Variants in ZC3H4 observed in about 807,000 individuals in gnomAD.
The protein encoded by ZC3H4 is zinc finger CCCH-type containing 4, also known as zinc finger CCCH domain-containing protein 4.
In ZC3H4, 13 loss-of-function variants were observed where a neutral mutation model predicts 108.3. The ratio of observed to expected loss-of-function variants is 0.12; its 90% CI spans 0.08 to 0.19. ZC3H4 has a LOEUF of 0.19. Ranked by LOEUF, ZC3H4 falls within the 10% of genes least tolerant of loss-of-function variation. The pLI, the probability that ZC3H4 is intolerant of heterozygous loss-of-function variation, is 1.00. For missense variants in ZC3H4, 1,734 were observed against 1,838.8 expected, an observed-to-expected ratio of 0.94 and a Z score of 1.04; for synonymous variants, 917 against 749.6, an observed-to-expected ratio of 1.22 and a Z score of -3.65.
Position 47,105,900 on chromosome 19 carries a change from T to G in ZC3H4, c.161+6524A>C, listed in dbSNP as rs115744112. The stretch of plus-strand genomic sequence containing the variant: ...TGGCTATACCCCACAGTCTGAAAAA[T>G]AGCACACCAGATCCACCACAGTATA... On this transcript the variant is annotated intron_variant, in intron 2 of 14. Coordinates refer to ENST00000253048, the MANE Select transcript of ZC3H4 (RefSeq NM_015168.2). Among the ~76,000 whole-genome samples the G allele has an allele frequency of 5.4e-3, 817 of 152,182 alleles. 13 individuals carry two copies. Among genetic ancestry groups the G allele is most frequent in the African/African-American group, 0.019 (795 of 41,508 alleles).
chr19:47,086,656 C>T, intron 5 of ZC3H4, 118 bp from the exon 6 acceptor site: 1 of 1,419,970 alleles, frequency 7.0e-7, no homozygotes, highest in South Asian at 1.6e-5. Flanking sequence ...CCTCCTTCTC[C>T]TCCTCCTCCT....
intron 13 of ZC3H4, 42 bp from the exon 14 acceptor site, chr19:47,069,385 T>C (rs768977475): frequency 1.9e-6 from 3 of 1,591,280 alleles, no homozygotes; most frequent in Non-Finnish European, 1.7e-6. Flanking sequence ...GGGAAGGGCC[T>C]CCAGGTGCCA....
chr19:47,095,119 T>C (rs1220961831), intron 2 of ZC3H4, among the ~76,000 whole-genome samples: 1 of 152,122 alleles, frequency 6.6e-6, no homozygotes, highest in African/African-American at 2.4e-5. Flanking sequence ...AGGCCCAGGA[T>C]TGCCTGCTGG....
Position 47,067,212 on chromosome 19 carries a change from C to G in ZC3H4, c.3056G>C (p.Gly1019Ala), listed in dbSNP as rs1448204124. 1.2e-6 allele frequency: 2 copies of G among 1,609,070 alleles called. No homozygotes were observed. Among genetic ancestry groups the G allele is most frequent in the Middle Eastern group, 1.7e-4 (1 of 6,026 alleles). Residue 1019 changes from glycine to alanine, a missense_variant, in exon 15 of 15, where the codon GGG becomes GCG. By Grantham distance (60) the Gly-to-Ala change is moderately conservative. Transcript: ENST00000253048. This position sits in a 1 kb window ranked among gnomAD's most constrained non-coding sequence, Gnocchi z 6.4. ...DPRLHRAATA[G>A]PPNARQRPGA... ...CGGGCGCTGCCGGGCGTTGGGGGGC[C>G]CTGCCGTGGCAGCGCGGTGCAGCCG...
chr19:47,076,325 G>GCACA (rs10531908), intron 11 of ZC3H4, among the ~76,000 whole-genome samples: 51 of 151,146 alleles, frequency 3.4e-4, no homozygotes, highest in East Asian at 1.6e-3. Flanking sequence ...GCGCGCGCGC[G>GCACA]CACACACACA....
intron 2 of ZC3H4, among the ~76,000 whole-genome samples, chr19:47,098,860 A>T (rs1289515487): frequency 2.6e-5 from 4 of 152,224 alleles, no homozygotes; most frequent in African/African-American, 9.6e-5. Context: ...CAGCCTACAG[A>T]TTCGGGCCTC....
intron 14 of ZC3H4, among the ~76,000 whole-genome samples, chr19:47,068,798 G>C (rs1246159080): frequency 2.0e-5 from 3 of 152,188 alleles, no homozygotes; most frequent in East Asian, 3.9e-4. Flanking sequence ...AGCCTCCTCT[G>C]GCAGGGCACA....
intron 9 of ZC3H4, among the ~76,000 whole-genome samples, chr19:47,083,283 C>G (rs1254785293): frequency 4.2e-5 from 6 of 141,774 alleles, no homozygotes; most frequent in Non-Finnish European, 6.1e-5. Context: ...GCCTGGGCGA[C>G]AGAGAGAGAC....
intron 1 of ZC3H4, 60 bp from the exon 2 acceptor site, chr19:47,112,649 G>T (rs1323266033): frequency 8.7e-7 from 1 of 1,147,802 alleles, no homozygotes; most frequent in Admixed American, 4.2e-5. Context: ...GGCGGGAGGG[G>T]CACACTTAAG....
chr19:47,097,028 C>T (rs2057832733), intron 2 of ZC3H4: 16 of 980,440 alleles, frequency 1.6e-5, no homozygotes, highest in Non-Finnish European at 1.9e-5. Context: ...CTACATCTAA[C>T]ACCTGCGGGC....
chr19:47,110,786 TA>T (rs1451436772), intron 2 of ZC3H4: 1 of 554,492 alleles, frequency 1.8e-6, no homozygotes, highest in Non-Finnish European at 2.3e-6. Context: ...AGACCTTTGC[TA>T]ATCTGTTTAT....
chr19:47,088,681 G>C (rs1189124041), intron 5 of ZC3H4, among the ~76,000 whole-genome samples: 1 of 152,004 alleles, frequency 6.6e-6, no homozygotes, highest in African/African-American at 2.4e-5. Flanking sequence ...AAGAGTGATG[G>C]GATCTCGCTG....
chr19:47,100,720 C>T (rs192259556), intron 2 of ZC3H4, among the ~76,000 whole-genome samples: 4 of 152,074 alleles, frequency 2.6e-5, no homozygotes, highest in East Asian at 3.9e-4. Flanking sequence ...TCTTTTGAGA[C>T]GGGGATCTTA....
At chr19:47,094,249 T>TA (rs2057785482) in intron 3 of ZC3H4, 140 bp downstream of exon 3, 3 of 1,155,454 alleles carry the variant, frequency 2.6e-6, no homozygotes, top group South Asian at 1.4e-5. Flanking sequence ...CCAACTCTTT[T>TA]AAAAAAGGTC....
At chr19:47,100,566 A>G (rs1399942795) in intron 2 of ZC3H4, among the ~76,000 whole-genome samples, 1 of 151,790 alleles carries the variant, frequency 6.6e-6, no homozygotes, top group African/African-American at 2.4e-5. Flanking sequence ...GCTGGCATCT[A>G]GATACGAAGA....
chr19:47,067,595 C>A lies in ZC3H4; in HGVS notation c.2673G>T (p.Arg891=). 6.2e-7 allele frequency: 1 copy of A among 1,605,580 alleles called. No individual in the cohort carries two copies. Among genetic ancestry groups the A allele is most frequent in the South Asian group, 1.1e-5 (1 of 90,318 alleles). ...TGGAGGTGGGCAGGGCGCGAGCCAG[C>A]CGAGGATCGGAGGGTCCCGAATCAC... ...GPGDSGPSDP[R]LARALPTSKP... is the part of the protein sequence containing the mutation. The change falls in exon 15 of 15, where the codon CGG becomes CGT. Residue 891 remains arginine, a synonymous_variant. Transcript: ENST00000253048. The surrounding 1 kb of genome is among the most constrained non-coding windows in gnomAD (Gnocchi z 6.4).
In ZC3H4 at chr19:47,090,115, A is replaced by G. The variant is rs775111551; in HGVS notation, c.567T>C (p.Ser189=). Residue 189 remains serine (S), a synonymous_variant, in exon 5 of 15, where the codon AGT becomes AGC. Transcript: ENST00000253048. The stretch of plus-strand genomic sequence containing the variant: ...TCTCGTAGTCCTCGTACATGCCATA[A>G]CTCTTGCTGTCCATCTTGGAGTATG... ...KKAYSKMDSK[S]YGMYEDYENE... is the part of the protein sequence containing the mutation. 1.2e-6 allele frequency: 2 copies of G among 1,613,584 alleles called. No homozygotes were observed. Among genetic ancestry groups the G allele is most frequent in the Non-Finnish European group, 1.7e-6 (2 of 1,179,894 alleles).
chr19:47,066,609 C>T lies in ZC3H4; in HGVS notation c.3659G>A (p.Arg1220Gln), dbSNP rs762977446. Residue 1220 changes from arginine (R) to glutamine (Q), a missense_variant, in exon 15 of 15, where the codon CGG (arginine) becomes CAG (glutamine). Arg to Gln is a conservative substitution (Grantham distance 43). This residue lies in a region of ZC3H4 where 518 missense variants were observed against 499.6 expected (regional missense o/e 1.04). Transcript: ENST00000253048. ...TPTDRYNSYN[R>Q]PRPKAAAAPA... Reference sequence around the variant, plus strand: ...GGCTGCAGCAGCCTTGGGCCGGGGCCGGTTGTAGCTGTTGTATCTGTCCGT... The same window carrying T: ...GGCTGCAGCAGCCTTGGGCCGGGGCTGGTTGTAGCTGTTGTATCTGTCCGT... 6 of 1,607,372 alleles carry T rather than the reference C, an allele frequency of 3.7e-6. No homozygotes were observed. In the African/African-American group the frequency reaches 4.0e-5, roughly 11 times the overall value.
chr19:47,088,933 C>T (rs994517331), intron 5 of ZC3H4, among the ~76,000 whole-genome samples: 3 of 152,058 alleles, frequency 2.0e-5, no homozygotes, highest in Admixed American at 1.3e-4. Flanking sequence ...ATGGGCCGGG[C>T]GCGGTGGCTC....
Sources: gnomAD v4.1 joint callset for allele counts (sites outside exome capture counted in the v4.1 genomes callset) on GRCh38, gnomAD v4.1.1 for gene constraint, gnomAD v4.1.1 regional missense constraint, Gnocchi (gnomAD v3.1) non-coding constraint, MANE v1.5 for transcripts, NCBI Gene and HGNC (gene_info 2026-07-23, HGNC 2026-07-21) for gene names.